Variants in ALCAM observed in about 807,000 individuals in gnomAD.
ALCAM encodes activated leukocyte cell adhesion molecule.
A neutral mutation model predicts 70.9 loss-of-function variants in ALCAM; 30 were observed. The observed-to-expected ratio is 0.42, with a 90% CI of 0.32 to 0.57. The LOEUF (loss-of-function observed/expected upper bound fraction) is 0.57, where lower values mean the gene tolerates loss of function less well. Among genes scored for constraint, ALCAM ranks in the 20% least tolerant of loss-of-function variants. The probability of loss-of-function intolerance (pLI) is 0.11; values close to 1 mark genes in which losing one functional copy is unlikely to be tolerated. For synonymous variants in ALCAM, 249 were observed against 242.5 expected (o/e 1.03, Z -0.25); for missense variants, 591 against 695.1 (o/e 0.85, Z 1.68).
In ALCAM at chr3:105,552,545, G is replaced by C; in HGVS notation, c.1624G>C (p.Val542Leu). 6.2e-7 allele frequency: 1 copy of C among 1,611,694 alleles called. No individual in the cohort carries two copies. The highest frequency in any genetic ancestry group is 8.5e-7 in the Non-Finnish European group (1 of 1,178,332). ...TGTTGGTCTCCTCCTTGCTGCCCTT[G>C]TTGCTGGTGTCGTCTACTGGCTGTA... ...IVVGLLLAAL[V>L]AGVVYWLYMK... The change falls in exon 14 of 16, where the codon GTT (valine) becomes CTT (leucine). Residue 542 changes from valine (V) to leucine (L), a missense_variant. Val to Leu is a conservative substitution (Grantham distance 32). This residue lies in a region of ALCAM where 164 missense variants were observed against 244.7 expected (regional missense o/e 0.67). Coordinates refer to ENST00000306107, the MANE Select transcript of ALCAM (RefSeq NM_001627.4).
chr3:105,563,239 C>T (rs1489701198), intron 14 of ALCAM, among the ~76,000 whole-genome samples: 1 of 147,510 alleles, frequency 6.8e-6, no homozygotes, highest in Non-Finnish European at 1.5e-5. Flanking sequence ...TTTTTTATCC[C>T]TTTTATGCCT....
chr3:105,483,267 A>G (rs760160203), intron 1 of ALCAM, among the ~76,000 whole-genome samples: 2 of 152,134 alleles, frequency 1.3e-5, no homozygotes, highest in African/African-American at 2.4e-5. Context: ...TTATTCATCA[A>G]TAAATATTTG....
chr3:105,463,119 T>A (rs530759317), intron 1 of ALCAM, among the ~76,000 whole-genome samples: 1 of 151,592 alleles, frequency 6.6e-6, no homozygotes, highest in East Asian at 1.9e-4. Flanking sequence ...CACAAATCCA[T>A]ACTGCAATCA....
intron 15 of ALCAM, among the ~76,000 whole-genome samples, chr3:105,573,894 T>C (rs73175485): frequency 0.04 from 6,015 of 152,174 alleles, 160 homozygotes; most frequent in South Asian, 0.072. Context: ...GGGAGAACAA[T>C]AGAATAATTG....
At chr3:105,387,358 A>G (rs1213604280) in intron 1 of ALCAM, among the ~76,000 whole-genome samples, 1 of 151,466 alleles carries the variant, frequency 6.6e-6, no homozygotes, top group East Asian at 1.9e-4. Context: ...TGCCTTCTGG[A>G]AATATTGCAC....
chr3:105,532,339 G>C (rs1387795163), intron 4 of ALCAM, among the ~76,000 whole-genome samples: 1 of 152,210 alleles, frequency 6.6e-6, no homozygotes, highest in Non-Finnish European at 1.5e-5. Context: ...GATGAAGCCA[G>C]TTAGCATGAT....
chr3:105,394,536 T>C (rs1258786780), intron 1 of ALCAM, among the ~76,000 whole-genome samples: 1 of 152,000 alleles, frequency 6.6e-6, no homozygotes, highest in Non-Finnish European at 1.5e-5. Flanking sequence ...CTTAGATGCC[T>C]TCCAGCTAGT....
chr3:105,558,620 C>A (rs936588619), intron 14 of ALCAM, among the ~76,000 whole-genome samples: 4 of 151,972 alleles, frequency 2.6e-5, no homozygotes, highest in Non-Finnish European at 5.9e-5. Flanking sequence ...AAAATCTCAC[C>A]AAAAAAGGTC....
intron 14 of ALCAM, among the ~76,000 whole-genome samples, chr3:105,569,185 A>C (rs2152635810): frequency 6.6e-6 from 1 of 152,198 alleles, no homozygotes; most frequent in Admixed American, 6.6e-5. Flanking sequence ...AAGGAGTGGC[A>C]GTTAATGAAG....
chr3:105,474,539 A>G (rs1315675106), intron 1 of ALCAM, among the ~76,000 whole-genome samples: 1 of 151,760 alleles, frequency 6.6e-6, no homozygotes. Flanking sequence ...TAATTTGCTA[A>G]AAAAGCTCTG....
At chr3:105,417,944 T>C (rs993968714) in intron 1 of ALCAM, among the ~76,000 whole-genome samples, 2 of 109,592 alleles carry the variant, frequency 1.8e-5, no homozygotes, top group Non-Finnish European at 4.2e-5. Flanking sequence ...ATGAATATTC[T>C]TTTTTTTTGG....
At chr3:105,507,260 C>T (rs867886972) in intron 1 of ALCAM, among the ~76,000 whole-genome samples, 21 of 151,928 alleles carry the variant, frequency 1.4e-4, no homozygotes, top group Admixed American at 3.9e-4. Context: ...ATTGGTGAGC[C>T]GATGTTGATA....
intron 1 of ALCAM, among the ~76,000 whole-genome samples, chr3:105,371,217 T>C (rs1935221326): frequency 6.6e-6 from 1 of 152,152 alleles, no homozygotes; most frequent in African/African-American, 2.4e-5. Context: ...AGAAAAATTG[T>C]ATATTGTAGT....
At chr3:105,534,239 C>G (rs1939913739) in intron 5 of ALCAM, among the ~76,000 whole-genome samples, 2 of 152,156 alleles carry the variant, frequency 1.3e-5, no homozygotes. Context: ...TGTTTGCACC[C>G]ATACCAGTCC....
chr3:105,529,752 C>G (rs1939793156), intron 3 of ALCAM, among the ~76,000 whole-genome samples: 1 of 152,066 alleles, frequency 6.6e-6, no homozygotes, highest in African/African-American at 2.4e-5. Context: ...CAACAAAACA[C>G]ACATGACCAT....
At chr3:105,470,107 GTGTGTGTATGATATGTTATATACATACA>G (rs1342738150) in intron 1 of ALCAM, among the ~76,000 whole-genome samples, 1 of 138,376 alleles carries the variant, frequency 7.2e-6, no homozygotes, top group Non-Finnish European at 1.6e-5. Flanking sequence ...ATACATATAT[GTGTGTGTATGATATGTTATATACATACA>G]CACACACACA....
intron 1 of ALCAM, chr3:105,440,974 G>C (rs1037150518): frequency 1.3e-5 from 2 of 152,052 alleles, no homozygotes; most frequent in Non-Finnish European, 2.9e-5. Flanking sequence ...CAGAGAAAAA[G>C]CACTGAAAAG....
At chr3:105,394,559 AT>A (rs1250814491) in intron 1 of ALCAM, among the ~76,000 whole-genome samples, 1 of 151,986 alleles carries the variant, frequency 6.6e-6, no homozygotes, top group Non-Finnish European at 1.5e-5. Flanking sequence ...GGCTTTATAA[AT>A]CAGACCTATG....
chr3:105,547,112 T>G, intron 9 of ALCAM, 37 bp from the exon 10 acceptor site: 1 of 1,487,062 alleles, frequency 6.7e-7, no homozygotes, highest in Non-Finnish European at 9.0e-7. Context: ...GAATTTTAAT[T>G]CTGCCACATG....
Sources: allele counts gnomAD v4.1 joint callset (sites outside exome capture counted in the v4.1 genomes callset), GRCh38; gene constraint gnomAD v4.1.1; regional missense constraint gnomAD v4.1.1; transcripts MANE v1.5; gene names NCBI Gene and HGNC (gene_info 2026-07-23, HGNC 2026-07-21).